Variants in SEC24D observed in about 807,000 individuals in gnomAD.
SEC24D encodes the protein protein transport protein Sec24D.
In SEC24D, 69 loss-of-function variants were observed where a neutral mutation model predicts 116.9. The ratio of observed to expected loss-of-function variants is 0.59; its 90% CI spans 0.49 to 0.72. The LOEUF (loss-of-function observed/expected upper bound fraction) is 0.72. Among genes scored for constraint, SEC24D ranks in the 30% least tolerant of loss-of-function variants. SEC24D has a pLI of 0.00. For missense variants in SEC24D, 1,131 were observed against 1,264.1 expected, an observed-to-expected ratio of 0.89 and a Z score of 1.60; for synonymous variants, 405 against 442.8, an observed-to-expected ratio of 0.91 and a Z score of 1.07.
chr4:118,830,204 T>C (rs1216376253), intron 2 of SEC24D, among the ~76,000 whole-genome samples: 1 of 152,222 alleles, frequency 6.6e-6, no homozygotes, highest in Non-Finnish European at 1.5e-5. Flanking sequence ...TAATAGCCAT[T>C]AAGTAAGGAG....
intron 2 of SEC24D, among the ~76,000 whole-genome samples, chr4:118,826,630 C>CT: frequency 7.3e-6 from 1 of 137,504 alleles, no homozygotes; most frequent in East Asian, 2.1e-4. Context: ...CTTTTTTTTT[C>CT]TTTTTTTAAA....
chr4:118,835,758 C>T (rs543837800), intron 1 of SEC24D, among the ~76,000 whole-genome samples, 183 bp downstream of exon 1: 2 of 152,338 alleles, frequency 1.3e-5, no homozygotes, highest in East Asian at 3.9e-4. Flanking sequence ...CCCATCCCGC[C>T]GGCCCCACTA....
chr4:118,741,802 T>C (rs1726236360), intron 15 of SEC24D, among the ~76,000 whole-genome samples: 1 of 152,196 alleles, frequency 6.6e-6, no homozygotes, highest in Non-Finnish European at 1.5e-5. Context: ...CTTTAGTTGC[T>C]TACATACAAC....
At chr4:118,790,690 A>T (rs994097804) in intron 8 of SEC24D, among the ~76,000 whole-genome samples, 1 of 151,968 alleles carries the variant, frequency 6.6e-6, no homozygotes, top group Non-Finnish European at 1.5e-5. Context: ...TTCCTAAGGA[A>T]CATCCTCTCG....
intron 1 of SEC24D, among the ~76,000 whole-genome samples, chr4:118,835,371 C>T (rs1731048489): frequency 6.6e-6 from 1 of 152,154 alleles, no homozygotes; most frequent in African/African-American, 2.4e-5. Flanking sequence ...AGCGGCGACA[C>T]GGCAGAAAGC....
intron 13 of SEC24D, among the ~76,000 whole-genome samples, chr4:118,750,329 C>A (rs1401763636): frequency 6.6e-6 from 1 of 152,166 alleles, no homozygotes; most frequent in African/African-American, 2.4e-5. Flanking sequence ...TTCTAAGCTG[C>A]CAAGCAGTCT....
chr4:118,780,744 T>C (rs547875157), intron 8 of SEC24D, among the ~76,000 whole-genome samples: 1 of 152,236 alleles, frequency 6.6e-6, no homozygotes, highest in South Asian at 2.1e-4. Flanking sequence ...GTCTAAGGAC[T>C]TGCTTTATCA....
intron 8 of SEC24D, among the ~76,000 whole-genome samples, chr4:118,784,395 T>C (rs1257249662): frequency 6.6e-6 from 1 of 152,184 alleles, no homozygotes; most frequent in Non-Finnish European, 1.5e-5. Context: ...AAAATTATGT[T>C]TGAACTATTT....
At chr4:118,778,311 A>C (rs1050501984) in intron 8 of SEC24D, among the ~76,000 whole-genome samples, 6 of 152,218 alleles carry the variant, frequency 3.9e-5, no homozygotes, top group Non-Finnish European at 7.3e-5. Context: ...ATTCAGTTTC[A>C]GCTTTCTACA....
intron 8 of SEC24D, among the ~76,000 whole-genome samples, chr4:118,773,083 T>C (rs1727978138): frequency 6.6e-6 from 1 of 152,054 alleles, no homozygotes; most frequent in Non-Finnish European, 1.5e-5. Flanking sequence ...CTAACACTTA[T>C]TCACTAATTT....
chr4:118,728,628 T>C lies in SEC24D; in HGVS notation c.2891A>G (p.Asn964Ser), dbSNP rs765221391. The C allele has an allele frequency of 6.2e-7, 1 of 1,609,088 alleles. No individual in the cohort carries two copies. Among genetic ancestry groups the C allele is most frequent in the Non-Finnish European group, 8.5e-7 (1 of 1,176,478 alleles). ...CATTCTGAGTTGTTGAGAGTATGGG[T>C]TTCCCACTTCAGGCAGCAATGTCTT... Reference protein sequence around the residue: ...TDMTLLPEVGNPYSQQLRMIM... With the variant: ...TDMTLLPEVGSPYSQQLRMIM... Residue 964 changes from asparagine to serine, a missense_variant, in exon 22 of 23, where the codon AAC (asparagine) becomes AGC (serine). Transcript: ENST00000280551.
chr4:118,812,416 C>T (rs377329249), intron 6 of SEC24D, among the ~76,000 whole-genome samples: 4 of 152,126 alleles, frequency 2.6e-5, no homozygotes, highest in African/African-American at 4.8e-5. Context: ...CACCCTGGCC[C>T]GCCATACCCC....
chr4:118,764,121 A>G (rs796653166), intron 10 of SEC24D, among the ~76,000 whole-genome samples: 18 of 152,304 alleles, frequency 1.2e-4, no homozygotes, highest in African/African-American at 3.6e-4. Context: ...GTATGTGGTG[A>G]AAAGTTTTGT....
chr4:118,811,855 T>A (rs1270820399), intron 6 of SEC24D, among the ~76,000 whole-genome samples: 1 of 152,170 alleles, frequency 6.6e-6, no homozygotes, highest in Non-Finnish European at 1.5e-5. Context: ...ATCTTCAACT[T>A]TAAATTCAAA....
chr4:118,821,837 C>T (rs189273876), intron 3 of SEC24D, among the ~76,000 whole-genome samples: 2 of 152,354 alleles, frequency 1.3e-5, no homozygotes, highest in African/African-American at 4.8e-5. Context: ...GAGGGCAAGG[C>T]AGCATGGTAA....
chr4:118,835,012 G>A (rs1001619127), intron 1 of SEC24D, among the ~76,000 whole-genome samples: 1 of 152,184 alleles, frequency 6.6e-6, no homozygotes, highest in Non-Finnish European at 1.5e-5. Context: ...CTCCTGGGAA[G>A]GGGAGAACTG....
intron 13 of SEC24D, among the ~76,000 whole-genome samples, chr4:118,745,979 C>G (rs1185195646): frequency 6.6e-6 from 1 of 151,972 alleles, no homozygotes; most frequent in Non-Finnish European, 1.5e-5. Context: ...AGTTTGAGAC[C>G]AGCCCAGGCA....
At chr4:118,768,533 T>G (rs1268242164) in intron 8 of SEC24D, among the ~76,000 whole-genome samples, 1 of 152,066 alleles carries the variant, frequency 6.6e-6, no homozygotes, top group African/African-American at 2.4e-5. Context: ...TGGCTGTGAT[T>G]ATAGGTGCCT....
At chr4:118,725,616 G>GTT (rs3215012) in intron 22 of SEC24D, among the ~76,000 whole-genome samples, 9 of 146,562 alleles carry the variant, frequency 6.1e-5, no homozygotes, top group African/African-American at 2.2e-4. Flanking sequence ...ATTCACTTGG[G>GTT]TTTTTTTTTT....
Sources: gnomAD v4.1 joint callset for allele counts (sites outside exome capture counted in the v4.1 genomes callset) on GRCh38, gnomAD v4.1.1 for gene constraint, MANE v1.5 for transcripts, NCBI Gene and HGNC (gene_info 2026-07-23, HGNC 2026-07-21) for gene names.